Variants in VWCE observed in about 807,000 individuals in gnomAD.
VWCE encodes the protein von Willebrand factor C and EGF domains, also known as von Willebrand factor C and EGF domain-containing protein.
A neutral mutation model predicts 102.9 loss-of-function variants in VWCE; 68 were observed. The observed-to-expected ratio is 0.66, with a 90% CI of 0.54 to 0.81. The LOEUF is 0.81. VWCE is among the 30% of genes least tolerant of loss of function. The pLI is 0.00. For missense variants in VWCE, 1,137 were observed against 1,263.6 expected (o/e 0.90, Z 1.52); for synonymous variants, 497 against 515.4 (o/e 0.96, Z 0.48).
At chr11:61,259,392 G>A (rs906101116) in intron 19 of VWCE, 80 bp from the exon 20 acceptor site, 14 of 1,495,102 alleles carry the variant, frequency 9.4e-6, no homozygotes, top group African/African-American at 2.8e-5. Context: ...GTATACCAGG[G>A]ACACCCAAGC....
At chr11:61,281,948 G>C (rs747169296) in intron 6 of VWCE, 34 bp from the exon 7 acceptor site, 5 of 1,598,930 alleles carry the variant, frequency 3.1e-6, no homozygotes, top group South Asian at 1.1e-5. Context: ...CAGCTGCTTT[G>C]TTTGGGCTAC....
chr11:61,273,171 G>A lies in VWCE; in HGVS notation c.1699+28C>T, dbSNP rs377687858. ...CCTCTCTCCCCAGTATCCATGCCCT[G>A]TGTCGGGGCAGCCCTGGACCAGCTC... On this transcript the variant is annotated intron_variant, in intron 13 of 19. Transcript: ENST00000335613. 3.7e-5 allele frequency: 60 copies of A among 1,608,990 alleles called. No individual in the cohort carries two copies. The African/African-American group carries it at 7.6e-4, about 20-fold the overall frequency.
Position 61,271,655 on chromosome 11 carries a change from G to T in VWCE, c.1785+20C>A, listed in dbSNP as rs1177505941. 5 of 1,600,698 alleles carry T rather than the reference G, an allele frequency of 3.1e-6. No individual in the cohort carries two copies. The highest frequency in any genetic ancestry group is 4.3e-6 in the Non-Finnish European group (5 of 1,173,200). The stretch of plus-strand genomic sequence containing the variant: ...GGGCAGCCAGGTAAAGCAGCTGAAG[G>T]CGAGCAGGTTGTCATTCACCTGGCA... On this transcript the variant is annotated intron_variant, in intron 14 of 19. Transcript: ENST00000335613.
intron 5 of VWCE, among the ~76,000 whole-genome samples, chr11:61,284,442 A>G (rs1252464771): frequency 6.6e-6 from 1 of 152,194 alleles, no homozygotes; most frequent in East Asian, 1.9e-4. Context: ...GTACGTACAC[A>G]TCATGGGGAG....
In VWCE at chr11:61,258,734, G is replaced by A. The variant is rs974058995; in HGVS notation, c.2809C>T (p.His937Tyr). Residue 937 changes from histidine to tyrosine, a missense_variant, in exon 20 of 20, where the codon CAC becomes TAC. By Grantham distance (83) the His-to-Tyr change is moderately conservative. Coordinates refer to ENST00000335613, the MANE Select transcript of VWCE (RefSeq NM_152718.2). ...RLSTALAATT[H>Y]PGPQQPPVGA... ...ACTGGGGGCTGCTGGGGGCCAGGGT[G>A]GGTGGTGGCTGCAAGGGCTGTGGAG... is the stretch of plus-strand genomic sequence containing the variant. The A allele has an allele frequency of 2.1e-6, 3 of 1,396,534 alleles. No homozygotes were observed. Among genetic ancestry groups the A allele is most frequent in the Non-Finnish European group, 2.8e-6 (3 of 1,071,788 alleles). 86.5% of individuals were successfully genotyped at this position (1,396,534 alleles called of 1,614,324 possible). A position where few individuals can be genotyped will look rare whatever the true frequency, so the allele number is the denominator to read the frequency against.
intron 14 of VWCE, chr11:61,269,296 T>C (rs1235477579): frequency 2.2e-6 from 1 of 451,496 alleles, no homozygotes; most frequent in Admixed American, 3.3e-5. Flanking sequence ...GCCTGCACCG[T>C]CACCACCATC....
chr11:61,259,435 G>A, intron 19 of VWCE, 123 bp from the exon 20 acceptor site: 1 of 1,261,332 alleles, frequency 7.9e-7, no homozygotes, highest in Non-Finnish European at 1.1e-6. Context: ...CACACCTGGT[G>A]AGGACCAGCC....
intron 3 of VWCE, 40 bp from the exon 4 acceptor site, chr11:61,290,967 C>G (rs1311780070): frequency 6.3e-7 from 1 of 1,588,814 alleles, no homozygotes; most frequent in Admixed American, 1.7e-5. Context: ...CACCCCGTGG[C>G]AGTCCCAACC....
chr11:61,273,422 C>T, intron 12 of VWCE, 106 bp from the exon 13 acceptor site: 1 of 1,038,288 alleles, frequency 9.6e-7, no homozygotes, highest in South Asian at 1.6e-5. Flanking sequence ...CCCGGCTACT[C>T]AAGTGAAACT....
intron 19 of VWCE, 90 bp from the exon 20 acceptor site, chr11:61,259,402 C>A (rs1854290606): frequency 7.4e-6 from 11 of 1,477,224 alleles, no homozygotes; most frequent in Admixed American, 2.3e-5. Flanking sequence ...GACACCCAAG[C>A]TCTGTCCTCA....
intron 14 of VWCE, chr11:61,269,432 A>G (rs1854606912): frequency 6.1e-6 from 1 of 164,426 alleles, no homozygotes; most frequent in African/African-American, 2.4e-5. Flanking sequence ...AAAGTGCCAT[A>G]CAAGGTTTCT....
At chr11:61,271,579 T>A in intron 14 of VWCE, 96 bp downstream of exon 14, 2 of 1,244,226 alleles carry the variant, frequency 1.6e-6, no homozygotes, top group Non-Finnish European at 2.3e-6. Context: ...GCGGCCAGCC[T>A]GAGGCCAGCC....
At position 61,260,409 on chromosome 11, in the gene VWCE, G is replaced by A. The variant is rs546982092; in HGVS notation, c.2231-1097C>T. 3.9e-5 allele frequency among the ~76,000 whole-genome samples: 6 copies of A among 152,196 alleles called. No homozygotes were observed. In the East Asian group the frequency reaches 1.2e-3, roughly 29 times the overall value. On this transcript the variant is annotated intron_variant, in intron 19 of 19. Coordinates refer to ENST00000335613, the MANE Select transcript of VWCE (RefSeq NM_152718.2). The stretch of plus-strand genomic sequence containing the variant: ...CCATCTCGGCTGTCCTACTTGCTGG[G>A]GCCACAGTCACATGCTACCACACCT...
At chr11:61,279,224 T>C (rs1035165987) in intron 9 of VWCE, among the ~76,000 whole-genome samples, 4 of 152,026 alleles carry the variant, frequency 2.6e-5, no homozygotes, top group African/African-American at 9.7e-5. Flanking sequence ...AAGTACCCAA[T>C]ACTTCGCACT....
chr11:61,273,192 A>G lies in VWCE; in HGVS notation c.1699+7T>C, dbSNP rs771976757. The stretch of plus-strand genomic sequence containing the variant: ...CCCTGTGTCGGGGCAGCCCTGGACC[A>G]GCTCACCTGTCGAGGGTGTGGGCTC... On this transcript the variant is annotated splice_region_variant and intron_variant, in intron 13 of 19. Transcript: ENST00000335613. 6.2e-7 allele frequency: 1 copy of G among 1,613,728 alleles called. No homozygotes were observed. Among genetic ancestry groups the G allele is most frequent in the South Asian group, 1.1e-5 (1 of 91,060 alleles).
rs1565212781 is a variant in VWCE at position 61,258,557 on chromosome 11, C to T, written c.*118G>A. ...TGGGGGTCTTCCATCCTCACCAGGG[C>T]CCCTGCAGGAGGGAGCCCAGGCATC... On this transcript the variant is annotated 3_prime_UTR_variant, in exon 20 of 20. Coordinates refer to ENST00000335613, the MANE Select transcript of VWCE (RefSeq NM_152718.2). 3.8e-6 allele frequency: 4 copies of T among 1,061,284 alleles called. No individual in the cohort carries two copies. Among genetic ancestry groups the T allele is most frequent in the African/African-American group, 1.6e-5 (1 of 61,166 alleles). The allele number at this position is 1,061,284 out of a possible 1,614,324, so 65.7% of individuals were successfully genotyped here.
chr11:61,259,320 G>A lies in VWCE; in HGVS notation c.2231-8C>T. 6.4e-7 allele frequency: 1 copy of A among 1,560,324 alleles called. No individual in the cohort carries two copies. The highest frequency in any genetic ancestry group is 1.2e-5 in the South Asian group (1 of 81,398). ...CCAGAGGAGACAGGGAATCTAGAGA[G>A]ACGAGGGTGAAACGAGATGCACAAT... On this transcript the variant is annotated splice_region_variant and splice_polypyrimidine_tract_variant and intron_variant, in intron 19 of 19. Coordinates refer to ENST00000335613, the MANE Select transcript of VWCE (RefSeq NM_152718.2).
intron 15 of VWCE, among the ~76,000 whole-genome samples, chr11:61,268,346 G>C (rs992072663): frequency 6.6e-6 from 1 of 152,134 alleles, no homozygotes; most frequent in Admixed American, 6.5e-5. Flanking sequence ...CTGAGGTTAG[G>C]AGATCGAGAC....
At chr11:61,268,352 G>A (rs574418111) in intron 15 of VWCE, among the ~76,000 whole-genome samples, 4 of 152,164 alleles carry the variant, frequency 2.6e-5, no homozygotes, top group Admixed American at 6.5e-5. Flanking sequence ...TTAGGAGATC[G>A]AGACCAGCCT....
Sources: gnomAD v4.1 joint callset for allele counts (sites outside exome capture counted in the v4.1 genomes callset) on GRCh38, gnomAD v4.1.1 for gene constraint, MANE v1.5 for transcripts, NCBI Gene and HGNC (gene_info 2026-07-23, HGNC 2026-07-21) for gene names.